Variants in MGAT5 observed in about 807,000 individuals in gnomAD.
The protein encoded by MGAT5 is alpha-1,6-mannosylglycoprotein 6-beta-N-acetylglucosaminyltransferase A.
Under a neutral mutation model 94.3 loss-of-function variants are expected in MGAT5, and 30 were observed. That is an observed-to-expected ratio of 0.32 (90% confidence interval 0.24 to 0.43). MGAT5 has a LOEUF of 0.43. Among genes scored for constraint, MGAT5 ranks in the 20% least tolerant of loss-of-function variants. MGAT5 has a pLI of 1.00. For missense variants in MGAT5, 691 were observed against 905.5 expected (o/e 0.76, Z 3.04); for synonymous variants, 310 against 322.9 (o/e 0.96, Z 0.43).
At chr2:134,247,380 A>AC (rs995719050) in intron 1 of MGAT5, among the ~76,000 whole-genome samples, 1 of 151,242 alleles carries the variant, frequency 6.6e-6, no homozygotes, top group Admixed American at 6.6e-5. Flanking sequence ...AAAAACAAAA[A>AC]AAAAACGTAA....
At chr2:134,330,041 A>G (rs1687869940) in intron 4 of MGAT5, among the ~76,000 whole-genome samples, 1 of 152,170 alleles carries the variant, frequency 6.6e-6, no homozygotes, top group Admixed American at 6.5e-5. Flanking sequence ...TGTCATCAGT[A>G]TAACAAATGT....
At chr2:134,382,314 A>G (rs1228925630) in intron 10 of MGAT5, among the ~76,000 whole-genome samples, 1 of 152,080 alleles carries the variant, frequency 6.6e-6, no homozygotes, top group African/African-American at 2.4e-5. Context: ...CAGATCTCTG[A>G]CATTGTGATA....
At chr2:134,421,228 C>T (rs193014859) in intron 12 of MGAT5, among the ~76,000 whole-genome samples, 2 of 152,280 alleles carry the variant, frequency 1.3e-5, no homozygotes, top group East Asian at 3.9e-4. Flanking sequence ...AGAGCAGAGA[C>T]ATTGCTTCAT....
chr2:134,255,498 C>CATATATACACATAT (rs1484875184), intron 1 of MGAT5, among the ~76,000 whole-genome samples: 1 of 148,954 alleles, frequency 6.7e-6, no homozygotes. Flanking sequence ...TATATATACA[C>CATATATACACATAT]ATATATACAC....
At chr2:134,320,890 T>A (rs1687273598) in intron 4 of MGAT5, among the ~76,000 whole-genome samples, 1 of 152,110 alleles carries the variant, frequency 6.6e-6, no homozygotes. Context: ...CAAGTTACAC[T>A]TTTTGGGGGT....
At chr2:134,400,268 A>G (rs1168075319) in intron 10 of MGAT5, among the ~76,000 whole-genome samples, 1 of 152,212 alleles carries the variant, frequency 6.6e-6, no homozygotes, top group African/African-American at 2.4e-5. Context: ...CAGAACTCTT[A>G]CAAGTGGTAA....
chr2:134,297,679 T>C (rs545845300), intron 2 of MGAT5, among the ~76,000 whole-genome samples: 9 of 152,298 alleles, frequency 5.9e-5, no homozygotes, highest in African/African-American at 1.4e-4. Flanking sequence ...GAAAATCTGA[T>C]TCATGAAAGC....
chr2:134,321,793 C>T (rs1227398678), intron 4 of MGAT5, among the ~76,000 whole-genome samples: 1 of 152,114 alleles, frequency 6.6e-6, no homozygotes, highest in East Asian at 1.9e-4. Context: ...CTTGACACCA[C>T]GTTATGTGTT....
intron 1 of MGAT5, among the ~76,000 whole-genome samples, chr2:134,164,834 C>A (rs978874847): frequency 7.0e-6 from 1 of 143,738 alleles, no homozygotes. Flanking sequence ...TAGTGACACC[C>A]GTCTCAAAAA....
At chr2:134,251,327 C>T (rs1269649169), upstream of MGAT5, among the ~76,000 whole-genome samples, 1 of 152,164 alleles carries the variant, frequency 6.6e-6, no homozygotes, top group Non-Finnish European at 1.5e-5. Flanking sequence ...GGCCTGATGG[C>T]CGCTCATGCT....
At chr2:134,177,144 C>CATGTGTGTGTGTGTGTGTGTGTGTGT (rs1553488519) in intron 1 of MGAT5, among the ~76,000 whole-genome samples, 3 of 142,530 alleles carry the variant, frequency 2.1e-5, no homozygotes, top group African/African-American at 8.3e-5. Context: ...CAAATGAACC[C>CATGTGTGTGTGTGTGTGTGTGTGTGT]GTGTGTGTGT....
At chr2:134,304,631 CAG>C (rs1460920190) in intron 2 of MGAT5, among the ~76,000 whole-genome samples, 1 of 152,158 alleles carries the variant, frequency 6.6e-6, no homozygotes, top group African/African-American at 2.4e-5. Flanking sequence ...ACTTTACAAG[CAG>C]AGTATTGGTA....
At chr2:134,196,678 G>A (rs1302641667) in intron 1 of MGAT5, among the ~76,000 whole-genome samples, 1 of 152,228 alleles carries the variant, frequency 6.6e-6, no homozygotes, top group Non-Finnish European at 1.5e-5. Flanking sequence ...CAGACTGCGG[G>A]CCACCTGTGG....
intron 2 of MGAT5, among the ~76,000 whole-genome samples, chr2:134,309,921 A>G: frequency 6.6e-6 from 1 of 152,230 alleles, no homozygotes; most frequent in East Asian, 1.9e-4. Flanking sequence ...AAAAGGAGGT[A>G]TGAAGAATCT....
intron 14 of MGAT5, among the ~76,000 whole-genome samples, chr2:134,435,043 G>A (rs1025129926): frequency 7.2e-5 from 11 of 151,816 alleles, no homozygotes; most frequent in African/African-American, 2.7e-4. Context: ...TCTCAGTCCC[G>A]TATCTCTCTC....
At chr2:134,130,574 A>G (rs927152350) in intron 1 of MGAT5, among the ~76,000 whole-genome samples, 11 of 151,962 alleles carry the variant, frequency 7.2e-5, no homozygotes, top group Admixed American at 5.9e-4. Flanking sequence ...GGATGCACCA[A>G]TCAGCACTTT....
At chr2:134,338,138 AC>A in intron 5 of MGAT5, 120 bp from the exon 6 acceptor site, 1 of 810,616 alleles carries the variant, frequency 1.2e-6, no homozygotes, top group Non-Finnish European at 1.9e-6. Flanking sequence ...GACAAGACTT[AC>A]TTTTGAAGCT....
intron 1 of MGAT5, among the ~76,000 whole-genome samples, chr2:134,169,397 CACACACACACACACAG>C (rs1688095602): frequency 7.9e-6 from 1 of 126,452 alleles, no homozygotes; most frequent in African/African-American, 3.0e-5. Flanking sequence ...TACACACACA[CACACACACACACACAG>C]ACACACACAC....
intron 4 of MGAT5, among the ~76,000 whole-genome samples, chr2:134,329,620 T>G (rs938287778): frequency 1.3e-5 from 2 of 152,152 alleles, no homozygotes; most frequent in African/African-American, 2.4e-5. Flanking sequence ...CATTTCCATC[T>G]TTAGCTGTAT....
Sources: allele counts gnomAD v4.1 joint callset (sites outside exome capture counted in the v4.1 genomes callset), GRCh38; gene constraint gnomAD v4.1.1; transcripts MANE v1.5; gene names NCBI Gene and HGNC (gene_info 2026-07-23, HGNC 2026-07-21).